Variants in NAP1L4 observed in about 807,000 individuals in gnomAD.
The protein encoded by NAP1L4 is nucleosome assembly protein 1-like 4.
Under a neutral mutation model 58.2 loss-of-function variants are expected in NAP1L4, and 15 were observed. The ratio of observed to expected loss-of-function variants is 0.26; its 90% confidence interval spans 0.17 to 0.40. The LOEUF (loss-of-function observed/expected upper bound fraction) is 0.40. Among genes scored for constraint, NAP1L4 ranks in the 10% least tolerant of loss-of-function variants. NAP1L4 has a pLI of 1.00. For synonymous variants in NAP1L4, 171 were observed against 155.6 expected (o/e 1.10, Z -0.74); for missense variants, 384 against 451.1 (o/e 0.85, Z 1.35).
At chr11:2,969,700 T>C in intron 7 of NAP1L4, 103 bp downstream of exon 7, 2 of 1,346,088 alleles carry the variant, frequency 1.5e-6, no homozygotes, top group South Asian at 1.6e-5. Flanking sequence ...CCGCCCACTA[T>C]GAACAATCTT....
rs1245537632 is a variant in NAP1L4, at chr11:2,949,441, T to C, written c.1123-177A>G. Among the ~76,000 whole-genome samples, 1 of 152,170 alleles carries C rather than the reference T, an allele frequency of 6.6e-6. No individual in the cohort carries two copies. The highest frequency in any genetic ancestry group is 1.5e-5 in the Non-Finnish European group (1 of 68,034). ...CTTTCAAAATGGGCAGAAGCATGAT[T>C]TTCACTTCTATCAGACTGCTCCCAA... On this transcript the variant is annotated intron_variant, in intron 14 of 15. Coordinates refer to ENST00000380542, the MANE Select transcript of NAP1L4 (RefSeq NM_005969.4). The surrounding 1 kb of genome is among the most constrained non-coding windows in gnomAD (Gnocchi z 4.0).
At chr11:2,991,455 AT>A (rs1270289187) in intron 1 of NAP1L4, 1 of 179,822 alleles carries the variant, frequency 5.6e-6, no homozygotes, top group African/African-American at 2.4e-5. Context: ...TTTTTTGGAG[AT>A]TTTGCTTTTC....
chr11:2,975,555 A>AC (rs1847904157), intron 4 of NAP1L4, among the ~76,000 whole-genome samples: 1 of 149,706 alleles, frequency 6.7e-6, no homozygotes, highest in African/African-American at 2.5e-5. Flanking sequence ...ATACAGTGAG[A>AC]CCCCATCTTT....
intron 4 of NAP1L4, among the ~76,000 whole-genome samples, chr11:2,975,721 T>C (rs1847917095): frequency 6.6e-6 from 1 of 151,940 alleles, no homozygotes; most frequent in South Asian, 2.1e-4. Context: ...TAGTTTAACT[T>C]AGGAGCCACC....
In NAP1L4 at chr11:2,955,518, T is replaced by C. The variant is rs1302858067; in HGVS notation, c.915+226A>G. Among the ~76,000 whole-genome samples, 1 of 152,090 alleles carries C rather than the reference T, an allele frequency of 6.6e-6. No individual in the cohort carries two copies. The highest frequency in any genetic ancestry group is 1.5e-5 in the Non-Finnish European group (1 of 67,988). On this transcript the variant is annotated intron_variant, in intron 11 of 15. Transcript: ENST00000380542. The surrounding 1 kb of genome is among the most constrained non-coding windows in gnomAD (Gnocchi z 4.2). ...ACCATGTTCGGCTGGCTAATTTATT[T>C]GGTTTTAATTTTTTGTGGAGATGGG... is the stretch of plus-strand genomic sequence containing the variant.
In NAP1L4 at chr11:2,959,686, C is replaced by T; in HGVS notation, c.746+84G>A. On this transcript the variant is annotated intron_variant, in intron 9 of 15. Coordinates refer to ENST00000380542, the MANE Select transcript of NAP1L4 (RefSeq NM_005969.4). This position sits in a 1 kb window ranked among gnomAD's most constrained non-coding sequence, Gnocchi z 4.9. Reference sequence around the variant, plus strand: ...AGCAGACTCAAGACTGTACTTTATTCCTTACTTCTATCTTACCCATCAAGT... The same window carrying T: ...AGCAGACTCAAGACTGTACTTTATTTCTTACTTCTATCTTACCCATCAAGT... 1 of 1,508,174 alleles carries T rather than the reference C, an allele frequency of 6.6e-7. No individual in the cohort carries two copies. The highest frequency in any genetic ancestry group is 9.1e-7 in the Non-Finnish European group (1 of 1,099,022). 93.4% of individuals were successfully genotyped at this position (1,508,174 alleles called of 1,614,324 possible). A position where few individuals can be genotyped will look rare whatever the true frequency, so the allele number is the denominator to read the frequency against.
At chr11:2,957,260 G>GA (rs1846600212) in intron 10 of NAP1L4, among the ~76,000 whole-genome samples, 1 of 152,100 alleles carries the variant, frequency 6.6e-6, no homozygotes, top group Admixed American at 6.5e-5. Flanking sequence ...TGTCTAAAAG[G>GA]AATCTTCCAA....
chr11:2,955,692 CACTCAGGAGAGACTTCA>C lies in NAP1L4; in HGVS notation c.915+35_915+51del. On this transcript the variant is annotated intron_variant, in intron 11 of 15. Transcript: ENST00000380542. The surrounding 1 kb of genome is among the most constrained non-coding windows in gnomAD (Gnocchi z 4.2). ...TTTAACAAGTAGACAAGTAGACATT[CACTCAGGAGAGACTTCA>C]ACAGGAAAATAAGACTATTAACAAC... 1 of 1,568,466 alleles carries C rather than the reference CACTCAGGAGAGACTTCA, an allele frequency of 6.4e-7. No homozygotes were observed. The highest frequency in any genetic ancestry group is 8.8e-7 in the Non-Finnish European group (1 of 1,142,838).
rs1845890974 is a variant in NAP1L4 at position 2,945,466 on chromosome 11, A to T, written c.*213T>A. ...AGCAAAATAATAAGGAAAAAGGAAA[A>T]GTGAAAGTGAAAATCATGCACTTGA... On this transcript the variant is annotated 3_prime_UTR_variant, in exon 16 of 16. Coordinates refer to ENST00000380542, the MANE Select transcript of NAP1L4 (RefSeq NM_005969.4). The T allele has an allele frequency of 4.3e-6, 3 of 699,122 alleles. No individual in the cohort carries two copies. The highest frequency in any genetic ancestry group is 6.9e-6 in the Non-Finnish European group (3 of 431,928). The allele number at this position is 699,122 out of a possible 1,614,324, so 43.3% of individuals were successfully genotyped here. A position where few individuals can be genotyped will look rare whatever the true frequency, so the allele number is the denominator to read the frequency against.
chr11:2,982,420 T>C (rs192510536), intron 1 of NAP1L4, among the ~76,000 whole-genome samples: 10 of 152,330 alleles, frequency 6.6e-5, no homozygotes, highest in African/African-American at 2.2e-4. Context: ...AATGGACAGA[T>C]TCTTGTTGTC....
Position 2,979,236 on chromosome 11 carries a change from C to T in NAP1L4, c.-16G>A. 3 of 1,606,356 alleles carry T rather than the reference C, an allele frequency of 1.9e-6. No individual in the cohort carries two copies. The highest frequency in any genetic ancestry group is 2.6e-6 in the Non-Finnish European group (3 of 1,175,906). On this transcript the variant is annotated splice_region_variant and 5_prime_UTR_variant, in exon 2 of 16. Transcript: ENST00000380542. ...GATCTGCCATCTGAATGTTTTTATC[C>T]CCTATAAATTAAAAAGAGTTGTAAT...
intron 1 of NAP1L4, among the ~76,000 whole-genome samples, chr11:2,984,625 C>G (rs1848520473): frequency 6.6e-6 from 1 of 152,142 alleles, no homozygotes; most frequent in South Asian, 2.1e-4. Context: ...CCCCCGTCAC[C>G]TTCTGCAGAA....
chr11:2,958,228 G>A (rs1039049572), intron 10 of NAP1L4, 171 bp downstream of exon 10: 13 of 727,198 alleles, frequency 1.8e-5, no homozygotes, highest in African/African-American at 1.4e-4. Flanking sequence ...TGCCCCCCGC[G>A]ATAAACTTGC....
At chr11:2,974,212 T>C (rs997997301) in intron 4 of NAP1L4, among the ~76,000 whole-genome samples, 2 of 152,252 alleles carry the variant, frequency 1.3e-5, no homozygotes, top group Admixed American at 6.5e-5. Flanking sequence ...GCATGTGCCA[T>C]GTTGGTGTGC....
At position 2,948,897 on chromosome 11, in the gene NAP1L4, G is replaced by A. The variant is rs1044170262; in HGVS notation, c.*32+330C>T. Among the ~76,000 whole-genome samples, 1 of 152,200 alleles carries A rather than the reference G, an allele frequency of 6.6e-6. No individual in the cohort carries two copies. Among genetic ancestry groups the A allele is most frequent in the Non-Finnish European group, 1.5e-5 (1 of 68,042 alleles). On this transcript the variant is annotated intron_variant, in intron 15 of 15. Coordinates refer to ENST00000380542, the MANE Select transcript of NAP1L4 (RefSeq NM_005969.4). This position sits in a 1 kb window ranked among gnomAD's most constrained non-coding sequence, Gnocchi z 5.1. ...GTTATGCTCTCTGCAAGGACTGCTT[G>A]CTTATGGTGGCCCGTGTGTGCCACC...
At chr11:2,977,567 T>C (rs1308405836) in intron 3 of NAP1L4, among the ~76,000 whole-genome samples, 1 of 152,166 alleles carries the variant, frequency 6.6e-6, no homozygotes, top group Non-Finnish European at 1.5e-5. Flanking sequence ...CGCATGATCC[T>C]TGAATAGGTG....
chr11:2,949,270 T>TG lies in NAP1L4; in HGVS notation c.1123-7dup, dbSNP rs764015932. The TG allele has an allele frequency of 1.3e-4, 209 of 1,596,468 alleles. No individual in the cohort carries two copies. The highest frequency in any genetic ancestry group is 1.7e-4 in the Non-Finnish European group (193 of 1,164,316). ...TTAACAGACAAAAATTACACCTAAA[T>TG]GGGGAAAAAAATTGAAAGGAACTGT... On this transcript the variant is annotated splice_polypyrimidine_tract_variant and splice_region_variant and intron_variant, in intron 14 of 15. Coordinates refer to ENST00000380542, the MANE Select transcript of NAP1L4 (RefSeq NM_005969.4). This position sits in a 1 kb window ranked among gnomAD's most constrained non-coding sequence, Gnocchi z 4.0.
rs745568550 is a variant in NAP1L4, at chr11:2,959,890, T to C, written c.626A>G (p.His209Arg). ...GQPMSFVLEF[H>R]FEPNDYFTNS... ...GGTAAAGTAGTCGTTGGGTTCAAAG[T>C]GGAACTCTAACACAAAAGACTAAAA... The change falls in exon 9 of 16, where the codon CAC (histidine) becomes CGC (arginine). Residue 209 changes from histidine to arginine, a missense_variant. By Grantham distance (29) the His-to-Arg change is conservative. Transcript: ENST00000380542. The surrounding 1 kb of genome is among the most constrained non-coding windows in gnomAD (Gnocchi z 4.9). 5 of 1,614,022 alleles carry C rather than the reference T, an allele frequency of 3.1e-6. No homozygotes were observed. The highest frequency in any genetic ancestry group is 2.5e-6 in the Non-Finnish European group (3 of 1,180,030).
At chr11:2,992,050 C>T (rs983560775) in intron 1 of NAP1L4, 2 of 152,146 alleles carry the variant, frequency 1.3e-5, no homozygotes, top group African/African-American at 2.4e-5. Context: ...CAGGCCCGGG[C>T]TCCAGGCCCC....
Sources: gnomAD v4.1 joint callset for allele counts (sites outside exome capture counted in the v4.1 genomes callset) on GRCh38, gnomAD v4.1.1 for gene constraint, Gnocchi (gnomAD v3.1) non-coding constraint, MANE v1.5 for transcripts, NCBI Gene and HGNC (gene_info 2026-07-23, HGNC 2026-07-21) for gene names.